Variants in DCC observed in about 807,000 individuals in gnomAD.
DCC encodes the protein netrin receptor DCC.
A neutral mutation model predicts 172.5 loss-of-function variants in DCC; 58 were observed. That is an observed-to-expected ratio of 0.34 (90% CI 0.27 to 0.42). The LOEUF (loss-of-function observed/expected upper bound fraction) is 0.42, where lower values mean the gene tolerates loss of function less well. DCC is among the 10% of genes least tolerant of loss of function. The pLI is 1.00. For missense variants in DCC, 1,740 were observed against 1,791.0 expected (o/e 0.97, Z 0.51); for synonymous variants, 709 against 644.5 (o/e 1.10, Z -1.52).
chr18:52,556,098 C>G (rs910488668), intron 1 of DCC, among the ~76,000 whole-genome samples: 1 of 152,078 alleles, frequency 6.6e-6, no homozygotes, highest in African/African-American at 2.4e-5. Context: ...ATAAGCTGCT[C>G]CTAAGTCCAG....
intron 5 of DCC, among the ~76,000 whole-genome samples, chr18:53,010,827 A>T (rs2041719001): frequency 6.6e-6 from 1 of 151,216 alleles, no homozygotes. Context: ...AAGACTTAGA[A>T]ATTCAGTAAA....
chr18:52,961,710 C>T (rs1392108327), intron 5 of DCC, among the ~76,000 whole-genome samples: 1 of 152,178 alleles, frequency 6.6e-6, no homozygotes, highest in Non-Finnish European at 1.5e-5. Flanking sequence ...TCAAACTATA[C>T]TACAAGGCTA....
At chr18:53,059,514 A>G (rs2042463933) in intron 5 of DCC, among the ~76,000 whole-genome samples, 1 of 152,114 alleles carries the variant, frequency 6.6e-6, no homozygotes, top group Non-Finnish European at 1.5e-5. Context: ...CCAAGCCTGT[A>G]TGTTTAGACC....
intron 1 of DCC, among the ~76,000 whole-genome samples, chr18:52,534,336 G>C (rs992080009): frequency 6.6e-6 from 1 of 151,952 alleles, no homozygotes; most frequent in Non-Finnish European, 1.5e-5. Flanking sequence ...AATTTGTTAA[G>C]AATACTTATT....
At chr18:52,840,999 G>T (rs1006264) in intron 2 of DCC, among the ~76,000 whole-genome samples, 66,445 of 151,850 alleles carry the variant, frequency 0.44, 14,709 homozygotes, top group South Asian at 0.55. Context: ...TACAATGACT[G>T]GGTGTGGAAG....
chr18:52,563,979 G>C (rs16955244), intron 1 of DCC, among the ~76,000 whole-genome samples: 229 of 152,148 alleles, frequency 1.5e-3, no homozygotes, highest in African/African-American at 5.4e-3. Flanking sequence ...GTAGGTCACC[G>C]GTCCAATATA....
intron 27 of DCC, among the ~76,000 whole-genome samples, chr18:53,512,713 A>T (rs548156029): frequency 6.6e-6 from 1 of 151,394 alleles, no homozygotes; most frequent in African/African-American, 2.4e-5. Context: ...GGGTATCAGC[A>T]ATGGAAGATG....
intron 12 of DCC, among the ~76,000 whole-genome samples, chr18:53,271,390 G>A (rs1357107780): frequency 6.6e-6 from 1 of 152,180 alleles, no homozygotes; most frequent in Non-Finnish European, 1.5e-5. Context: ...CAGTTCCTAT[G>A]AGTCTGGAAT....
chr18:52,593,662 C>A (rs1160010903), intron 1 of DCC, among the ~76,000 whole-genome samples: 11 of 152,260 alleles, frequency 7.2e-5, no homozygotes, highest in Admixed American at 2.0e-4. Context: ...ATCAGCCTCA[C>A]GACAATCGAT....
At chr18:52,911,959 T>A (rs572458945) in intron 3 of DCC, among the ~76,000 whole-genome samples, 16 of 151,994 alleles carry the variant, frequency 1.1e-4, no homozygotes, top group African/African-American at 3.9e-4. Context: ...TTTCTAGATA[T>A]ATCAGATTTA....
intron 7 of DCC, among the ~76,000 whole-genome samples, chr18:53,148,855 T>C (rs1316521991): frequency 7.0e-6 from 1 of 141,954 alleles, no homozygotes; most frequent in African/African-American, 2.6e-5. Flanking sequence ...AGCTCAGAAC[T>C]TCCCAATGCC....
At chr18:52,668,749 A>G (rs1360817205) in intron 1 of DCC, among the ~76,000 whole-genome samples, 1 of 152,202 alleles carries the variant, frequency 6.6e-6, no homozygotes. Context: ...GTTCCTACTG[A>G]AAGTTGATGT....
intron 1 of DCC, among the ~76,000 whole-genome samples, chr18:52,737,014 C>T (rs568058591): frequency 6.6e-6 from 1 of 152,138 alleles, no homozygotes; most frequent in Non-Finnish European, 1.5e-5. Flanking sequence ...TATTTCATGA[C>T]AACACTTGAA....
At chr18:52,422,180 T>C (rs1987272014) in intron 1 of DCC, among the ~76,000 whole-genome samples, 1 of 152,176 alleles carries the variant, frequency 6.6e-6, no homozygotes, top group Admixed American at 6.5e-5. Context: ...CGTGAATAAA[T>C]GAATGGACAC....
chr18:53,339,950 T>C, intron 15 of DCC, 43 bp downstream of exon 15: 1 of 1,531,704 alleles, frequency 6.5e-7, no homozygotes, highest in South Asian at 1.1e-5. Context: ...GGGGAATTAA[T>C]GATTTATTTT....
intron 17 of DCC, among the ~76,000 whole-genome samples, chr18:53,393,637 C>A (rs1908717097): frequency 6.6e-6 from 1 of 152,196 alleles, no homozygotes; most frequent in East Asian, 1.9e-4. Flanking sequence ...TTTGTAGATA[C>A]ATTCATTTCA....
intron 1 of DCC, among the ~76,000 whole-genome samples, chr18:52,362,190 C>A (rs1395433191): frequency 6.6e-6 from 1 of 152,210 alleles, no homozygotes; most frequent in East Asian, 1.9e-4. Context: ...GGATGGCAGT[C>A]CTGTTTCCAG....
chr18:53,289,206 C>T (rs1452520075), intron 12 of DCC, among the ~76,000 whole-genome samples: 7 of 152,064 alleles, frequency 4.6e-5, no homozygotes, highest in African/African-American at 1.4e-4. Context: ...TGTTGAAATT[C>T]GCAATATAGG....
chr18:53,025,458 A>G (rs1369960004), intron 5 of DCC, among the ~76,000 whole-genome samples: 3 of 152,212 alleles, frequency 2.0e-5, no homozygotes, highest in South Asian at 2.1e-4. Flanking sequence ...CCTGTTCAAC[A>G]TATTTGTTAA....
Sources: allele counts gnomAD v4.1 joint callset (sites outside exome capture counted in the v4.1 genomes callset), GRCh38; gene constraint gnomAD v4.1.1; transcripts MANE v1.5; gene names NCBI Gene and HGNC (gene_info 2026-07-23, HGNC 2026-07-21).